Variants in TMPRSS11A observed in about 807,000 individuals in gnomAD.
The protein encoded by TMPRSS11A is transmembrane protease serine 11A.
Under a neutral mutation model 58.9 loss-of-function variants are expected in TMPRSS11A, and 53 were observed. That is an observed-to-expected ratio of 0.90 (90% CI 0.72 to 1.13). The LOEUF is 1.13. Ranked by LOEUF, TMPRSS11A falls within the 50% of genes most tolerant of loss-of-function variation. The probability of loss-of-function intolerance (pLI) is 0.00; values close to 1 mark genes in which losing one functional copy is unlikely to be tolerated. For missense variants in TMPRSS11A, 493 were observed against 499.3 expected (o/e 0.99, Z 0.12); for synonymous variants, 167 against 169.8 (o/e 0.98, Z 0.13).
intron 3 of TMPRSS11A, among the ~76,000 whole-genome samples, chr4:67,933,574 A>G (rs1427148853): frequency 1.3e-5 from 2 of 152,212 alleles, no homozygotes; most frequent in South Asian, 2.1e-4. Flanking sequence ...AATTGCTAGT[A>G]TCCAAAATAT....
At chr4:67,956,142 G>T (rs1305374917) in intron 1 of TMPRSS11A, among the ~76,000 whole-genome samples, 2 of 151,970 alleles carry the variant, frequency 1.3e-5, no homozygotes, top group Non-Finnish European at 2.9e-5. Flanking sequence ...AGCAAATGAG[G>T]GACTCTAGCA....
chr4:67,959,362 A>G (rs1287609064), intron 1 of TMPRSS11A, among the ~76,000 whole-genome samples: 1 of 152,244 alleles, frequency 6.6e-6, no homozygotes, highest in Admixed American at 6.5e-5. Context: ...AGTGAGACCT[A>G]ATTAAACTAA....
At chr4:67,916,814 G>A (rs999507677) in intron 8 of TMPRSS11A, among the ~76,000 whole-genome samples, 6 of 151,920 alleles carry the variant, frequency 3.9e-5, no homozygotes, top group Non-Finnish European at 8.8e-5. Context: ...GAGACAGAGC[G>A]AGACTCTGTT....
chr4:67,955,677 A>T (rs1721273695), intron 1 of TMPRSS11A, among the ~76,000 whole-genome samples: 1 of 152,078 alleles, frequency 6.6e-6, no homozygotes, highest in African/African-American at 2.4e-5. Context: ...TCATCCACGA[A>T]TTTTTGTTTC....
rs374550125 is a variant in TMPRSS11A at position 67,920,550 on chromosome 4, T to TATATATATATATATA, written c.693-1319_693-1318insTATATATATATATAT. 6.1e-3 allele frequency among the ~76,000 whole-genome samples: 357 copies of TATATATATATATATA among 58,458 alleles called. 2 individuals are homozygous for TATATATATATATATA. The highest frequency in any genetic ancestry group is 0.02 in the East Asian group (40 of 2,050). 38.4% of individuals were successfully genotyped at this position (58,458 alleles called of 152,430 possible). A position where few individuals can be genotyped will look rare whatever the true frequency, so the allele number is the denominator to read the frequency against. ...AATTATATATATATATATATATATA[T>TATATATATATATATA]TTTTTTTTATATATACACACACACA... On this transcript the variant is annotated intron_variant, in intron 7 of 9. Transcript: ENST00000508048.
intron 5 of TMPRSS11A, among the ~76,000 whole-genome samples, chr4:67,926,172 G>A (rs190614346): frequency 6.6e-6 from 1 of 152,234 alleles, no homozygotes; most frequent in Admixed American, 6.5e-5. Flanking sequence ...ATGCAAAGAA[G>A]TTGATTTTAG....
chr4:67,939,164 G>T (rs1329535006), intron 3 of TMPRSS11A, among the ~76,000 whole-genome samples: 1 of 98,018 alleles, frequency 1.0e-5, no homozygotes, highest in East Asian at 2.0e-4. Context: ...TATTTCATTT[G>T]TGTGTGTGTG....
chr4:67,930,042 T>A lies in TMPRSS11A; in HGVS notation c.321-2A>T. 1.9e-6 allele frequency: 3 copies of A among 1,601,732 alleles called. No homozygotes were observed. The highest frequency in any genetic ancestry group is 2.6e-6 in the Non-Finnish European group (3 of 1,172,140). ...ACTTTCACACCATCTTCCTCTGGACTGTGACACACAAAAGAAAGGTACATT... is the reference window on the plus strand; with the variant it reads ...ACTTTCACACCATCTTCCTCTGGACAGTGACACACAAAAGAAAGGTACATT... On this transcript the variant is annotated splice_acceptor_variant, in intron 4 of 9. Coordinates refer to ENST00000508048, the MANE Select transcript of TMPRSS11A (RefSeq NM_001114387.2). LOFTEE classifies it high-confidence loss of function.
chr4:67,913,483 G>T (rs1278977148), intron 9 of TMPRSS11A, among the ~76,000 whole-genome samples: 4 of 152,236 alleles, frequency 2.6e-5, no homozygotes, highest in Admixed American at 2.0e-4. Context: ...ACTTTGCACA[G>T]TTAGGCAGCA....
intron 3 of TMPRSS11A, among the ~76,000 whole-genome samples, chr4:67,941,881 A>T (rs1720886912): frequency 6.6e-6 from 1 of 152,234 alleles, no homozygotes; most frequent in Non-Finnish European, 1.5e-5. Flanking sequence ...TGAAAAAATG[A>T]TTACTTCAGT....
intron 3 of TMPRSS11A, among the ~76,000 whole-genome samples, chr4:67,937,469 G>T (rs1720780066): frequency 6.6e-6 from 1 of 152,294 alleles, no homozygotes; most frequent in South Asian, 2.1e-4. Context: ...TTTAAAAAAT[G>T]AAATGAGAGA....
Position 67,944,570 on chromosome 4 carries a change from T to C in TMPRSS11A, c.201A>G (p.Gly67=), listed in dbSNP as rs200827809. The change falls in exon 3 of 10, where the codon GGA becomes GGG. Residue 67 remains glycine, a synonymous_variant. Transcript: ENST00000508048. ...ILDPQINNNF[G]QSNTYQLKDL... is the part of the protein sequence containing the mutation. ...CCTTAAGTTGATATGTGTTGCTTTG[T>C]CCGAAATTGTTATTGATTTGTGGAT... is the stretch of plus-strand genomic sequence containing the variant. 347 of 1,613,158 alleles carry C rather than the reference T, an allele frequency of 2.2e-4. No homozygotes were observed. The highest frequency in any genetic ancestry group is 2.2e-4 in the Non-Finnish European group (260 of 1,179,340).
chr4:67,920,549 A>ATATATATATTTT (rs371252656), intron 7 of TMPRSS11A, among the ~76,000 whole-genome samples: 6 of 130,900 alleles, frequency 4.6e-5, no homozygotes, highest in African/African-American at 1.8e-4. Context: ...ATATATATAT[A>ATATATATATTTT]TTTTTTTTTA....
chr4:67,950,906 T>C (rs1434128100), intron 1 of TMPRSS11A, among the ~76,000 whole-genome samples: 2 of 152,240 alleles, frequency 1.3e-5, no homozygotes, highest in Admixed American at 1.3e-4. Context: ...CTCTGCAGTC[T>C]TTGGGGATGT....
At chr4:67,927,409 G>A (rs983023604) in intron 5 of TMPRSS11A, among the ~76,000 whole-genome samples, 6 of 152,190 alleles carry the variant, frequency 3.9e-5, no homozygotes, top group African/African-American at 1.4e-4. Flanking sequence ...GCTTTGTCCA[G>A]CCACAGCCTC....
chr4:67,952,095 C>G (rs1721176923), intron 1 of TMPRSS11A, among the ~76,000 whole-genome samples: 1 of 152,258 alleles, frequency 6.6e-6, no homozygotes, highest in Admixed American at 6.5e-5. Flanking sequence ...TATAGAACTG[C>G]TATTTAGGAA....
intron 1 of TMPRSS11A, among the ~76,000 whole-genome samples, chr4:67,961,474 T>G (rs2109775879): frequency 1.4e-5 from 1 of 69,854 alleles, no homozygotes; most frequent in South Asian, 6.3e-4. Flanking sequence ...TTCCTTTCCT[T>G]TTCTTTTCCT....
intron 3 of TMPRSS11A, among the ~76,000 whole-genome samples, chr4:67,935,313 C>G (rs1720724929): frequency 6.6e-6 from 1 of 152,196 alleles, no homozygotes; most frequent in Admixed American, 6.5e-5. Context: ...ATACTCACGC[C>G]TCTCAGGCTG....
chr4:67,957,435 G>C (rs1721314281), intron 1 of TMPRSS11A, among the ~76,000 whole-genome samples: 1 of 152,206 alleles, frequency 6.6e-6, no homozygotes, highest in Admixed American at 6.5e-5. Context: ...TTGGGAACCA[G>C]AGCAAAAGTG....
Sources: allele counts gnomAD v4.1 joint callset (sites outside exome capture counted in the v4.1 genomes callset), GRCh38; gene constraint gnomAD v4.1.1; transcripts MANE v1.5; gene names NCBI Gene and HGNC (gene_info 2026-07-23, HGNC 2026-07-21).